VWF: variants seen among roughly 807,000 people sequenced by gnomAD.
The protein encoded by VWF is Factor VIII related antigen.
Under a neutral mutation model 308.6 loss-of-function variants are expected in VWF, and 176 were observed. The observed-to-expected ratio is 0.57, with a 90% CI of 0.50 to 0.65. VWF has a LOEUF of 0.65. Ranked by LOEUF, VWF falls within the 30% of genes least tolerant of loss-of-function variation. The probability of loss-of-function intolerance (pLI) is 0.00; values close to 1 mark genes in which losing one functional copy is unlikely to be tolerated. For synonymous variants in VWF, 1,385 were observed against 1,443.4 expected, an observed-to-expected ratio of 0.96 and a Z score of 0.92; for missense variants, 3,146 against 3,648.2, an observed-to-expected ratio of 0.86 and a Z score of 3.55.
intron 37 of VWF, among the ~76,000 whole-genome samples, chr12:5,992,559 T>G (rs1053248841): frequency 7.9e-5 from 12 of 152,246 alleles, no homozygotes; most frequent in African/African-American, 2.7e-4. Flanking sequence ...CCAAATCTAG[T>G]CCTAACAAAT....
At chr12:5,993,626 CAT>C (rs1226257898) in intron 37 of VWF, among the ~76,000 whole-genome samples, 61 of 137,726 alleles carry the variant, frequency 4.4e-4, no homozygotes, top group South Asian at 6.8e-4. Flanking sequence ...TATATATATA[CAT>C]ATATATGTGT....
chr12:6,067,855 G>A (rs547275589), intron 10 of VWF, among the ~76,000 whole-genome samples: 5 of 152,186 alleles, frequency 3.3e-5, no homozygotes, highest in Non-Finnish European at 5.9e-5. Flanking sequence ...CATCCAGGCC[G>A]GGCCGTCATG....
At chr12:6,085,900 T>A (rs191494816) in intron 6 of VWF, among the ~76,000 whole-genome samples, 1,899 of 152,004 alleles carry the variant, frequency 0.012, 77 homozygotes, top group Admixed American at 0.082. Context: ...AGTAAAATTT[T>A]AAAAAAAAAT....
chr12:6,113,561 TAG>T (rs1242541166), intron 3 of VWF, among the ~76,000 whole-genome samples: 1 of 152,240 alleles, frequency 6.6e-6, no homozygotes, highest in African/African-American at 2.4e-5. Context: ...CCCAAAGTGC[TAG>T]GATTACAGGC....
intron 47 of VWF, among the ~76,000 whole-genome samples, chr12:5,964,262 A>ACATG (rs1555189804): frequency 7.0e-4 from 100 of 141,846 alleles, no homozygotes; most frequent in African/African-American, 2.6e-3. Context: ...ATACATACAT[A>ACATG]CATACATACA....
At chr12:5,951,758 T>TA in intron 50 of VWF, 86 bp downstream of exon 50, 3 of 1,424,306 alleles carry the variant, frequency 2.1e-6, no homozygotes, top group South Asian at 2.3e-5. Flanking sequence ...TGCGGCTTGC[T>TA]AATGGGTTTC....
intron 40 of VWF, among the ~76,000 whole-genome samples, chr12:5,983,492 C>T (rs748147450): frequency 3.4e-4 from 50 of 147,958 alleles, no homozygotes; most frequent in Non-Finnish European, 5.9e-4. Context: ...TACATACATA[C>T]ATACATACAG....
rs752162086 is a variant in VWF, at chr12:6,019,690, A to G, written c.3728T>C (p.Leu1243Pro). The change falls in exon 28 of 52, where the codon CTG (leucine) becomes CCG (proline). Residue 1243 changes from leucine (L) to proline (P), a missense_variant. Physicochemically the swap from Leu to Pro is moderately conservative, Grantham distance 98 (BLOSUM62 -3). Around this residue, in one of 3 missense-constraint regions of VWF, gnomAD observed 853 missense variants for 1,177.8 expected, o/e 0.72. Transcript: ENST00000261405. The surrounding 1 kb of genome is among the most constrained non-coding windows in gnomAD (Gnocchi z 5.8). ...TCEACQEPGG[L>P]VVPPTDAPVS... is the part of the protein sequence containing the mutation. ...CGGGGCATCTGTGGGAGGCACCACCAGGCCTCCCGGCTCCTGGCAGGCTTC... is the reference window on the plus strand; with the variant it reads ...CGGGGCATCTGTGGGAGGCACCACCGGGCCTCCCGGCTCCTGGCAGGCTTC... 1.2e-6 allele frequency: 2 copies of G among 1,613,738 alleles called. No individual in the cohort carries two copies. The highest frequency in any genetic ancestry group is 2.7e-5 in the African/African-American group (2 of 74,930).
chr12:6,106,194 G>A (rs1304038992), intron 5 of VWF, among the ~76,000 whole-genome samples: 1 of 152,182 alleles, frequency 6.6e-6, no homozygotes, highest in Non-Finnish European at 1.5e-5. Context: ...CGGTCTGTAT[G>A]CACAATGAAA....
rs1944111952 is a variant in VWF, at chr12:6,019,913, C to T, written c.3675-170G>A. On this transcript the variant is annotated intron_variant, in intron 27 of 51. Coordinates refer to ENST00000261405, the MANE Select transcript of VWF (RefSeq NM_000552.5). The surrounding 1 kb of genome is among the most constrained non-coding windows in gnomAD (Gnocchi z 5.8). ...CAAGTGAGATGTCATTGTTTAACAT[C>T]TGTCCCCAAATAGCATGCCCCCCAC... is the stretch of plus-strand genomic sequence containing the variant. Among the ~76,000 whole-genome samples, 3 of 152,224 alleles carry T rather than the reference C, an allele frequency of 2.0e-5. No homozygotes were observed. The highest frequency in any genetic ancestry group is 2.0e-4 in the Admixed American group (3 of 15,290).
chr12:6,029,431 G>A lies in VWF; in HGVS notation c.2878C>T (p.Arg960Trp), dbSNP rs370984712. The A allele has an allele frequency of 1.3e-4, 209 of 1,614,054 alleles. No individual in the cohort carries two copies. The highest frequency in any genetic ancestry group is 4.8e-4 in the South Asian group (44 of 91,066). The change falls in exon 22 of 52, where the codon CGG (arginine) becomes TGG (tryptophan). Residue 960 changes from arginine to tryptophan, a missense_variant. Transcript: ENST00000261405. ...ETHFEVVESGRYIILLLGKAL... is the reference protein window; with the variant it reads ...ETHFEVVESGWYIILLLGKAL... The stretch of plus-strand genomic sequence containing the variant: ...TTGCCCAGCAGCAGAATGATGTACC[G>A]GCCAGACTCCACCACCTCAAAGTGA...
chr12:6,079,238 C>T (rs1944876626), intron 6 of VWF, among the ~76,000 whole-genome samples: 1 of 152,212 alleles, frequency 6.6e-6, no homozygotes, highest in Non-Finnish European at 1.5e-5. Flanking sequence ...GTGGCTATCT[C>T]TGCTGCTCCC....
chr12:5,965,144 A>C (rs995798181), intron 47 of VWF, among the ~76,000 whole-genome samples: 5 of 152,090 alleles, frequency 3.3e-5, no homozygotes, highest in Admixed American at 3.3e-4. Flanking sequence ...ACATTTGATC[A>C]CCGCAGGAAA....
rs1190622057 is a variant in VWF at position 6,057,479 on chromosome 12, A to ATTTATTT, written c.1729+369_1729+370insAAATAAA. Among the ~76,000 whole-genome samples the ATTTATTT allele has an allele frequency of 1.0e-2, 592 of 59,430 alleles. 3 individuals carry two copies. The highest frequency in any genetic ancestry group is 0.017 in the Non-Finnish European group (473 of 27,144). 39.0% of individuals were successfully genotyped at this position (59,430 alleles called of 152,430 possible). A position where few individuals can be genotyped will look rare whatever the true frequency, so the allele number is the denominator to read the frequency against. ...AGGCGCGCCCCACCACGCCCGGCAA[A>ATTTATTT]TTTATTATTATTATTATTATTATTA... On this transcript the variant is annotated intron_variant, in intron 14 of 51. Transcript: ENST00000261405.
chr12:6,054,696 A>C (rs886249020), intron 15 of VWF, among the ~76,000 whole-genome samples: 2 of 152,202 alleles, frequency 1.3e-5, no homozygotes, highest in African/African-American at 4.8e-5. Flanking sequence ...AGGAAAAAAA[A>C]TGTGTGTGCT....
At chr12:5,993,768 CT>C (rs1943771843) in intron 37 of VWF, 93 bp downstream of exon 37, 1 of 1,182,192 alleles carries the variant, frequency 8.5e-7, no homozygotes, top group Non-Finnish European at 1.2e-6. Context: ...GATTTTCATC[CT>C]TATTAGCCAG....
intron 9 of VWF, 120 bp from the exon 10 acceptor site, chr12:6,071,463 G>C (rs934604915): frequency 2.7e-6 from 3 of 1,124,426 alleles, no homozygotes; most frequent in African/African-American, 3.0e-5. Flanking sequence ...GAAAAGAAAA[G>C]AGCTGGTGCT....
chr12:6,096,806 C>T (rs1945110072), intron 5 of VWF, among the ~76,000 whole-genome samples: 2 of 152,138 alleles, frequency 1.3e-5, no homozygotes, highest in African/African-American at 4.8e-5. Context: ...GAGACTACTA[C>T]CTTTGCAGTA....
At chr12:6,054,356 G>A (rs1213660321) in intron 15 of VWF, among the ~76,000 whole-genome samples, 1 of 152,216 alleles carries the variant, frequency 6.6e-6, no homozygotes, top group Non-Finnish European at 1.5e-5. Context: ...GACAGGATGT[G>A]TTAGACAATA....
Sources: allele counts gnomAD v4.1 joint callset (sites outside exome capture counted in the v4.1 genomes callset), GRCh38; gene constraint gnomAD v4.1.1; regional missense constraint gnomAD v4.1.1; non-coding constraint Gnocchi (gnomAD v3.1); transcripts MANE v1.5; gene names NCBI Gene and HGNC (gene_info 2026-07-23, HGNC 2026-07-21).